Variants in PTPRT observed in about 807,000 individuals in gnomAD.
PTPRT encodes receptor-type tyrosine-protein phosphatase T.
PTPRT carries 56 observed loss-of-function variants against 176.8 expected under a neutral mutation model. That is an observed-to-expected ratio of 0.32 (90% CI 0.26 to 0.40). The LOEUF (loss-of-function observed/expected upper bound fraction) is 0.40. Among genes scored for constraint, PTPRT ranks in the 10% least tolerant of loss-of-function variants. The probability of loss-of-function intolerance (pLI) is 1.00; values close to 1 mark genes in which losing one functional copy is unlikely to be tolerated. For missense variants in PTPRT, 1,540 were observed against 1,908.2 expected, an observed-to-expected ratio of 0.81 and a Z score of 3.60; for synonymous variants, 783 against 739.0, an observed-to-expected ratio of 1.06 and a Z score of -0.96.
rs1303332041 is a variant in PTPRT, at chr20:42,184,591, CT to C, written c.2491+14648del. On this transcript the variant is annotated intron_variant, in intron 16 of 30. Coordinates refer to ENST00000373187, the MANE Select transcript of PTPRT (RefSeq NM_007050.6). ...TCTTCTTCTTCTTCTTCTTCTTCTTCTTCCTCTTCTTCTTCTTCTTCTTCTC... is the reference window on the plus strand; with the variant it reads ...TCTTCTTCTTCTTCTTCTTCTTCTTCTCCTCTTCTTCTTCTTCTTCTTCTC... 1.1e-3 allele frequency among the ~76,000 whole-genome samples: 158 copies of C among 143,402 alleles called. 1 individual carries two copies. Among genetic ancestry groups the C allele is most frequent in the African/African-American group, 3.8e-3 (144 of 37,984 alleles). 94.1% of individuals were successfully genotyped at this position (143,402 alleles called of 152,430 possible). A position where few individuals can be genotyped will look rare whatever the true frequency, so the allele number is the denominator to read the frequency against.
chr20:42,032,628 C>T, the PTPRT span, among the ~76,000 whole-genome samples: 3 of 152,182 alleles, frequency 2.0e-5, no homozygotes, highest in Non-Finnish European at 4.4e-5. Flanking sequence ...GTGTAATCCC[C>T]TCCTTTTAAG....
At chr20:43,144,598 A>G (rs1461982067) in intron 1 of PTPRT, among the ~76,000 whole-genome samples, 1 of 152,168 alleles carries the variant, frequency 6.6e-6, no homozygotes, top group Non-Finnish European at 1.5e-5. Flanking sequence ...GTCAATTTTT[A>G]TGAAATGTCC....
chr20:43,174,599 T>G (rs1317264653), intron 1 of PTPRT, among the ~76,000 whole-genome samples: 1 of 152,230 alleles, frequency 6.6e-6, no homozygotes, highest in African/African-American at 2.4e-5. Flanking sequence ...TCTTGCATTT[T>G]CTGCTTTTCA....
intron 23 of PTPRT, among the ~76,000 whole-genome samples, chr20:42,109,174 G>C (rs1354025480): frequency 1.3e-5 from 2 of 152,220 alleles, no homozygotes; most frequent in South Asian, 2.1e-4. Flanking sequence ...TGCTGTATGA[G>C]GACGGGGCTG....
intron 1 of PTPRT, among the ~76,000 whole-genome samples, chr20:42,925,396 G>A (rs1222229573): frequency 6.6e-6 from 1 of 152,170 alleles, no homozygotes; most frequent in Non-Finnish European, 1.5e-5. Context: ...CTAGGGTTCT[G>A]ACCCTAGAAC....
intron 14 of PTPRT, among the ~76,000 whole-genome samples, chr20:42,239,781 A>G (rs1474519868): frequency 2.0e-5 from 3 of 152,150 alleles, no homozygotes; most frequent in South Asian, 2.1e-4. Context: ...GAAAATGGAT[A>G]TATCTTGAGA....
intron 13 of PTPRT, among the ~76,000 whole-genome samples, chr20:42,267,659 G>A (rs909633480): frequency 6.6e-6 from 1 of 152,128 alleles, no homozygotes. Context: ...GGGAGAGGCA[G>A]GGTTGTTGCT....
intron 7 of PTPRT, among the ~76,000 whole-genome samples, chr20:42,634,228 CT>C (rs928468688): frequency 7.2e-6 from 1 of 138,694 alleles, no homozygotes; most frequent in African/African-American, 2.7e-5. Context: ...TGAAACATGA[CT>C]GGTCTGGTAG....
At chr20:42,563,771 T>G (rs532920210) in intron 7 of PTPRT, among the ~76,000 whole-genome samples, 1 of 152,366 alleles carries the variant, frequency 6.6e-6, no homozygotes, top group South Asian at 2.1e-4. Context: ...ATTCCATTAT[T>G]GTGCATGTGC....
At chr20:43,146,662 C>A (rs2014179678) in intron 1 of PTPRT, among the ~76,000 whole-genome samples, 1 of 152,114 alleles carries the variant, frequency 6.6e-6, no homozygotes, top group South Asian at 2.1e-4. Flanking sequence ...GGGTACTGAG[C>A]ATGCCACTAG....
intron 11 of PTPRT, among the ~76,000 whole-genome samples, chr20:42,350,098 T>C (rs1346130603): frequency 6.6e-6 from 1 of 151,934 alleles, no homozygotes; most frequent in Admixed American, 6.6e-5. Context: ...CAAAGAAAAG[T>C]GACCTTTCCA....
chr20:42,634,071 ATATAAT>A lies in PTPRT; in HGVS notation c.1153+43789_1153+43794del. On this transcript the variant is annotated intron_variant, in intron 7 of 30. Transcript: ENST00000373187. The stretch of plus-strand genomic sequence containing the variant: ...TATATATTATAAATATATAATATAT[ATATAAT>A]ATATATATAATATAATAATATATAT... 1.2e-4 allele frequency among the ~76,000 whole-genome samples: 5 copies of A among 40,600 alleles called. No homozygotes were observed. In the East Asian group the frequency reaches 3.6e-3, roughly 29 times the overall value. 26.6% of individuals were successfully genotyped at this position (40,600 alleles called of 152,430 possible). A position where few individuals can be genotyped will look rare whatever the true frequency, so the allele number is the denominator to read the frequency against.
At chr20:42,842,579 C>T (rs1469377340) in intron 2 of PTPRT, among the ~76,000 whole-genome samples, 1 of 151,962 alleles carries the variant, frequency 6.6e-6, no homozygotes, top group Non-Finnish European at 1.5e-5. Flanking sequence ...ACCACCATGC[C>T]CAACAAATTT....
intron 7 of PTPRT, among the ~76,000 whole-genome samples, chr20:42,619,584 G>A (rs2074148624): frequency 1.5e-5 from 2 of 133,514 alleles, no homozygotes; most frequent in African/African-American, 6.7e-5. Flanking sequence ...ACACCAATCA[G>A]ACGTAGATTT....
intron 1 of PTPRT, among the ~76,000 whole-genome samples, chr20:42,960,035 T>C (rs940452513): frequency 6.6e-6 from 1 of 152,134 alleles, no homozygotes; most frequent in African/African-American, 2.4e-5. Flanking sequence ...TCCCATCATC[T>C]ACTCACGGAG....
chr20:42,828,120 C>A (rs1418488909), intron 2 of PTPRT, among the ~76,000 whole-genome samples: 2 of 152,178 alleles, frequency 1.3e-5, no homozygotes, highest in Admixed American at 1.3e-4. Context: ...ATCCTAGAGA[C>A]TTGTTGAATT....
intron 8 of PTPRT, among the ~76,000 whole-genome samples, chr20:42,470,486 A>C (rs2071174172): frequency 6.6e-6 from 1 of 152,118 alleles, no homozygotes; most frequent in Non-Finnish European, 1.5e-5. Context: ...TCACATGCAC[A>C]CGAATCTTCA....
intron 9 of PTPRT, among the ~76,000 whole-genome samples, chr20:42,359,639 A>G (rs779237852): frequency 2.0e-5 from 3 of 152,196 alleles, no homozygotes; most frequent in Non-Finnish European, 2.9e-5. Flanking sequence ...CTGAAGCTCT[A>G]TTTTGTACCC....
At chr20:43,061,488 C>T (rs1393156448) in intron 1 of PTPRT, among the ~76,000 whole-genome samples, 1 of 152,192 alleles carries the variant, frequency 6.6e-6, no homozygotes. Context: ...GGACCGTGAG[C>T]CCAGATGGGC....
Sources: gnomAD v4.1 joint callset for allele counts (sites outside exome capture counted in the v4.1 genomes callset) on GRCh38, gnomAD v4.1.1 for gene constraint, MANE v1.5 for transcripts, NCBI Gene and HGNC (gene_info 2026-07-23, HGNC 2026-07-21) for gene names.